WFDC1: variants seen among roughly 807,000 people sequenced by gnomAD.
WFDC1 encodes WAP four-disulfide core domain 1, also known as WAP four-disulfide core domain protein 1.
Under a neutral mutation model 32.9 loss-of-function variants are expected in WFDC1, and 39 were observed. That is an observed-to-expected ratio of 1.19 (90% CI 0.92 to 1.55). WFDC1 has a LOEUF of 1.55. Among genes scored for constraint, WFDC1 ranks in the 40% most tolerant of loss-of-function variants. The pLI is 0.00. For synonymous variants in WFDC1, 184 were observed against 137.4 expected, an observed-to-expected ratio of 1.34 and a Z score of -2.37; for missense variants, 386 against 309.5, an observed-to-expected ratio of 1.25 and a Z score of -1.85.
At chr16:84,302,107 C>A (rs950643261) in intron 1 of WFDC1, among the ~76,000 whole-genome samples, 2 of 152,074 alleles carry the variant, frequency 1.3e-5, no homozygotes, top group African/African-American at 4.8e-5. Flanking sequence ...ATGCTGAGTG[C>A]ACAAAGGCCA....
At chr16:84,308,604 C>G (rs1907411304) in intron 1 of WFDC1, among the ~76,000 whole-genome samples, 1 of 152,244 alleles carries the variant, frequency 6.6e-6, no homozygotes, top group African/African-American at 2.4e-5. Flanking sequence ...TGATCGGTGG[C>G]ACTGTGCTAG....
At chr16:84,298,012 G>A (rs1292854271) in intron 1 of WFDC1, among the ~76,000 whole-genome samples, 1 of 152,218 alleles carries the variant, frequency 6.6e-6, no homozygotes, top group Non-Finnish European at 1.5e-5. Flanking sequence ...GTGAGGAGAT[G>A]CTGGCTGTGT....
chr16:84,306,885 G>C (rs1180197881), intron 1 of WFDC1, among the ~76,000 whole-genome samples: 1 of 152,182 alleles, frequency 6.6e-6, no homozygotes, highest in Non-Finnish European at 1.5e-5. Flanking sequence ...ACAAAACCAA[G>C]TTCCTGTCCC....
At chr16:84,309,792 C>G (rs572565031) in intron 1 of WFDC1, among the ~76,000 whole-genome samples, 1 of 151,982 alleles carries the variant, frequency 6.6e-6, no homozygotes, top group African/African-American at 2.4e-5. Context: ...CCATCTCTGC[C>G]TCCCTCTTCA....
chr16:84,309,796 C>G (rs146223129), intron 1 of WFDC1, among the ~76,000 whole-genome samples: 1,555 of 152,116 alleles, frequency 0.01, 31 homozygotes, highest in African/African-American at 0.036. Flanking sequence ...CTCTGCCTCC[C>G]TCTTCACATG....
chr16:84,312,982 G>T lies in WFDC1; in HGVS notation c.166G>T (p.Gly56Cys). Residue 56 changes from glycine to cysteine, a missense_variant, in exon 2 of 7, where the codon GGC becomes TGC. Gly to Cys is a radical substitution (Grantham distance 159). Transcript: ENST00000219454. ...GCAGGCCGAGGAGGCGGGCGCGCCC[G>T]GCGGCCCCCGGCAGCCCCGAGCAGA... ...KSRAEEAGAP[G>C]GPRQPRADRC... 1.7e-6 allele frequency: 2 copies of T among 1,179,248 alleles called. No homozygotes were observed. The highest frequency in any genetic ancestry group is 4.2e-5 in the South Asian group (1 of 23,878). 73.0% of individuals were successfully genotyped at this position (1,179,248 alleles called of 1,614,324 possible).
intron 1 of WFDC1, among the ~76,000 whole-genome samples, chr16:84,297,684 G>T (rs1268348819): frequency 6.7e-6 from 1 of 149,900 alleles, no homozygotes; most frequent in Non-Finnish European, 1.5e-5. Flanking sequence ...AAGACAGGCT[G>T]TTCGCCTGTG....
chr16:84,317,501 C>T lies in WFDC1; in HGVS notation c.338-771C>T, dbSNP rs193190623. The T allele has an allele frequency of 3.7e-4, 57 of 152,166 alleles. No homozygotes were observed. The East Asian group carries it at 0.011, about 29-fold the overall frequency. 9.4% of individuals were successfully genotyped at this position (152,166 alleles called of 1,614,324 possible). On this transcript the variant is annotated intron_variant, in intron 2 of 6. Transcript: ENST00000219454. ...CCCTGCCTGGTCTGTTTTCCTGTCCCCTAGAGGCATTTGAGTTTTCGACCC... is the reference window on the plus strand; with the variant it reads ...CCCTGCCTGGTCTGTTTTCCTGTCCTCTAGAGGCATTTGAGTTTTCGACCC...
chr16:84,317,441 C>T (rs776285479), intron 2 of WFDC1: 4 of 152,204 alleles, frequency 2.6e-5, no homozygotes, highest in Non-Finnish European at 5.9e-5. Context: ...GCAGCTGATT[C>T]ATCCAGGCAG....
At position 84,313,118 on chromosome 16, in the gene WFDC1, C is replaced by T. The variant is rs1192216744; in HGVS notation, c.302C>T (p.Ala101Val). Residue 101 changes from alanine (A) to valine (V), a missense_variant, in exon 2 of 7, where the codon GCC becomes GTC. By Grantham distance (64) the Ala-to-Val change is moderately conservative. Transcript: ENST00000219454. ...CGGCGCTGCTGCTACAACGGATGCG[C>T]CTACGCCTGCCTAGAAGCTGTGCCG... is the stretch of plus-strand genomic sequence containing the variant. ...RHRRCCYNGC[A>V]YACLEAVPPP... 1 of 1,444,840 alleles carries T rather than the reference C, an allele frequency of 6.9e-7. No homozygotes were observed. The allele number at this position is 1,444,840 out of a possible 1,614,324, so 89.5% of individuals were successfully genotyped here.
intron 5 of WFDC1, 75 bp downstream of exon 5, chr16:84,324,535 A>C: frequency 6.6e-7 from 1 of 1,522,302 alleles, no homozygotes; most frequent in Non-Finnish European, 8.9e-7. Flanking sequence ...GTGAAGAAAA[A>C]AATAAAAGCC....
chr16:84,299,789 C>T (rs773571246), intron 1 of WFDC1, among the ~76,000 whole-genome samples: 22 of 152,222 alleles, frequency 1.4e-4, no homozygotes, highest in Non-Finnish European at 3.1e-4. Flanking sequence ...GTTCAGTTTG[C>T]ACCCTGCCCA....
intron 5 of WFDC1, 25 bp from the exon 6 acceptor site, chr16:84,326,857 C>CT (rs751242240): frequency 6.2e-7 from 1 of 1,613,422 alleles, no homozygotes; most frequent in East Asian, 2.2e-5. Flanking sequence ...ACATCTACCC[C>CT]AACAGAGCTG....
chr16:84,323,787 C>G (rs772328396), intron 4 of WFDC1, among the ~76,000 whole-genome samples: 40 of 152,160 alleles, frequency 2.6e-4, no homozygotes, highest in Non-Finnish European at 5.4e-4. Context: ...GACATTTACT[C>G]AACAGTGTGT....
chr16:84,299,305 C>T (rs967426558), intron 1 of WFDC1, among the ~76,000 whole-genome samples: 6 of 151,466 alleles, frequency 4.0e-5, no homozygotes, highest in South Asian at 2.1e-4. Flanking sequence ...GCGGAGGTTG[C>T]GGTGAGCCGA....
At position 84,324,449 on chromosome 16, in the gene WFDC1, A is replaced by C; in HGVS notation, c.593A>C (p.Lys198Thr). The C allele has an allele frequency of 6.2e-7, 1 of 1,613,772 alleles. No homozygotes were observed. The highest frequency in any genetic ancestry group is 8.5e-7 in the Non-Finnish European group (1 of 1,179,924). Residue 198 changes from lysine to threonine, a missense_variant, in exon 5 of 7, where the codon AAA becomes ACA. By Grantham distance (78) the Lys-to-Thr change is moderately conservative. Transcript: ENST00000219454. ...DGRILRHKLYKEYPEGDSKNV... is the reference protein window; with the variant it reads ...DGRILRHKLYTEYPEGDSKNV... ...CGAATCCTACGACACAAACTTTACA[A>C]AGAATATCCAGGTAAAAGAAGAAAC...
At position 84,295,064 on chromosome 16, in the gene WFDC1, C is replaced by G; in HGVS notation, c.93C>G (p.Ala31=). 6.2e-7 allele frequency: 1 copy of G among 1,614,204 alleles called. No individual in the cohort carries two copies. The highest frequency in any genetic ancestry group is 8.5e-7 in the Non-Finnish European group (1 of 1,180,034). Residue 31 remains alanine, a synonymous_variant, in exon 1 of 7, where the codon GCC becomes GCG. Transcript: ENST00000219454. ...LLLLLLHAGS[A]KNIWKRALPA... is the part of the protein sequence containing the mutation. ...TACTTCTCCTCCACGCCGGCTCTGCCAAGAATATCTGGAAACGGGCATTGC... is the reference window on the plus strand; with the variant it reads ...TACTTCTCCTCCACGCCGGCTCTGCGAAGAATATCTGGAAACGGGCATTGC...
chr16:84,324,393 G>C, intron 4 of WFDC1, 26 bp from the exon 5 acceptor site: 1 of 1,612,094 alleles, frequency 6.2e-7, no homozygotes. Context: ...CCTAAAAGAA[G>C]TTTTTTCCTC....
At position 84,327,939 on chromosome 16, in the gene WFDC1, C is replaced by T. The variant is rs543241393; in HGVS notation, c.*15+984C>T. ...TCCTGGTAGGGGACGGCTACACAAG[C>T]CAACAGATCAATCAATACAAAGACA... On this transcript the variant is annotated intron_variant, in intron 6 of 6. Coordinates refer to ENST00000219454, the MANE Select transcript of WFDC1 (RefSeq NM_021197.4). The T allele has an allele frequency of 2.0e-5, 3 of 152,292 alleles. No homozygotes were observed. The East Asian group carries it at 5.8e-4, about 29-fold the overall frequency. 9.4% of individuals were successfully genotyped at this position (152,292 alleles called of 1,614,324 possible).
Sources: gnomAD v4.1 joint callset for allele counts (sites outside exome capture counted in the v4.1 genomes callset) on GRCh38, gnomAD v4.1.1 for gene constraint, MANE v1.5 for transcripts, NCBI Gene and HGNC (gene_info 2026-07-23, HGNC 2026-07-21) for gene names.